The following LIPH variants were observed in gnomAD, a reference collection of about 807,000 sequenced individuals.
LIPH encodes lipase H.
Under a neutral mutation model 47.6 loss-of-function variants are expected in LIPH, and 32 were observed. The ratio of observed to expected loss-of-function variants is 0.67; its 90% CI spans 0.51 to 0.90. The LOEUF is 0.90. Ranked by LOEUF, LIPH falls within the 40% of genes least tolerant of loss-of-function variation. LIPH has a pLI of 0.00. For synonymous variants in LIPH, 190 were observed against 195.6 expected (o/e 0.97, Z 0.24); for missense variants, 497 against 541.4 (o/e 0.92, Z 0.81).
intron 7 of LIPH, among the ~76,000 whole-genome samples, chr3:185,515,634 A>AG (rs1474821134): frequency 2.0e-5 from 3 of 151,984 alleles, no homozygotes; most frequent in African/African-American, 7.3e-5. Flanking sequence ...TCAGCCTTCT[A>AG]GGTAGCTGGG....
chr3:185,540,242 G>A (rs1035853285), intron 1 of LIPH, among the ~76,000 whole-genome samples: 1 of 152,068 alleles, frequency 6.6e-6, no homozygotes, highest in Admixed American at 6.6e-5. Flanking sequence ...AACTGAATTC[G>A]GCAATGCTAT....
In LIPH at chr3:185,534,976, T is replaced by C; in HGVS notation, c.206A>G (p.Lys69Arg). 6 of 1,614,084 alleles carry C rather than the reference T, an allele frequency of 3.7e-6. No individual in the cohort carries two copies. Among genetic ancestry groups the C allele is most frequent in the Non-Finnish European group, 5.1e-6 (6 of 1,180,012 alleles). Residue 69 changes from lysine (K) to arginine (R), a missense_variant, in exon 2 of 10, where the codon AAG (lysine) becomes AGG (arginine). Physicochemically the swap from Lys to Arg is conservative, Grantham distance 26. Transcript: ENST00000296252. ...TCCATGGACAATGAAGGTGGTTTTC[T>C]TGGTCACATTCAAGTTCCCAAAAGC... The part of the protein sequence containing the change: ...SSAFGNLNVT[K>R]KTTFIVHGFR...
At chr3:185,522,297 T>C (rs1719916306) in intron 5 of LIPH, among the ~76,000 whole-genome samples, 2 of 152,194 alleles carry the variant, frequency 1.3e-5, no homozygotes, top group Admixed American at 6.5e-5. Flanking sequence ...GCAACCCTCA[T>C]TACTGAAGTG....
intron 1 of LIPH, among the ~76,000 whole-genome samples, chr3:185,540,335 G>A (rs185219437): frequency 2.0e-5 from 3 of 152,000 alleles, no homozygotes; most frequent in Non-Finnish European, 4.4e-5. Context: ...GTTTTATCAG[G>A]GGTTCTTTTG....
intron 2 of LIPH, 146 bp downstream of exon 2, chr3:185,534,619 C>A (rs1720442689): frequency 5.3e-6 from 4 of 754,474 alleles, no homozygotes; most frequent in Non-Finnish European, 8.8e-6. Context: ...CACAGCCCCT[C>A]ATCCCACCTT....
intron 1 of LIPH, among the ~76,000 whole-genome samples, chr3:185,547,915 C>T (rs937570558): frequency 1.3e-5 from 2 of 152,064 alleles, no homozygotes; most frequent in African/African-American, 4.8e-5. Flanking sequence ...ATTCTGCATG[C>T]TTGGCAATGG....
At chr3:185,526,189 C>T (rs192770234) in intron 4 of LIPH, among the ~76,000 whole-genome samples, 257 of 151,516 alleles carry the variant, frequency 1.7e-3, no homozygotes, top group African/African-American at 6.0e-3. Flanking sequence ...ATAGCGAGAC[C>T]CCCATCTCTA....
At chr3:185,513,896 T>C (rs1298944195) in intron 8 of LIPH, among the ~76,000 whole-genome samples, 1 of 152,046 alleles carries the variant, frequency 6.6e-6, no homozygotes, top group African/African-American at 2.4e-5. Context: ...AAAAATTATC[T>C]GGGCATGGTG....
At chr3:185,521,348 A>G (rs1319777685) in intron 5 of LIPH, among the ~76,000 whole-genome samples, 3 of 152,162 alleles carry the variant, frequency 2.0e-5, no homozygotes, top group Non-Finnish European at 4.4e-5. Flanking sequence ...TGGCAAATTA[A>G]TAGGTATTTG....
rs1452812505 is a variant in LIPH at position 185,552,445 on chromosome 3, A to C, written c.27T>G (p.Ser9Arg). 2.5e-6 allele frequency: 4 copies of C among 1,609,320 alleles called. No homozygotes were observed. The highest frequency in any genetic ancestry group is 3.4e-6 in the Non-Finnish European group (4 of 1,175,782). MLRFYLFI[S>R]LLCLSRSDAE... ...TACCTGATCTTGACAAGCACAACAAACTGATGAATAAGTAGAATCTCAACA... is the reference window on the plus strand; with the variant it reads ...TACCTGATCTTGACAAGCACAACAACCTGATGAATAAGTAGAATCTCAACA... The change falls in exon 1 of 10, where the codon AGT becomes AGG. Residue 9 changes from serine to arginine, a missense_variant. Coordinates refer to ENST00000296252, the MANE Select transcript of LIPH (RefSeq NM_139248.3).
At chr3:185,510,247 T>A (rs1355615283) in intron 9 of LIPH, among the ~76,000 whole-genome samples, 3 of 151,994 alleles carry the variant, frequency 2.0e-5, no homozygotes, top group Non-Finnish European at 4.4e-5. Flanking sequence ...CCGTGTTCAG[T>A]CCCTAAACTT....
intron 6 of LIPH, among the ~76,000 whole-genome samples, chr3:185,518,134 A>G (rs1016479026): frequency 1.3e-5 from 2 of 152,200 alleles, no homozygotes; most frequent in African/African-American, 2.4e-5. Context: ...GGAGCAGGCT[A>G]CGTAGAGTGA....
At chr3:185,511,818 A>AAT in intron 8 of LIPH, 121 bp from the exon 9 acceptor site, 19 of 605,640 alleles carry the variant, frequency 3.1e-5, no homozygotes, top group East Asian at 5.9e-5. Flanking sequence ...GCACCAGCTG[A>AAT]CTTTTTTTTT....
At chr3:185,534,127 G>A (rs1720426723) in intron 2 of LIPH, among the ~76,000 whole-genome samples, 1 of 152,186 alleles carries the variant, frequency 6.6e-6, no homozygotes, top group African/African-American at 2.4e-5. Context: ...GAAGGCCAAG[G>A]CAGGTGGATC....
chr3:185,517,978 C>T (rs1476778851), intron 6 of LIPH, among the ~76,000 whole-genome samples: 1 of 152,160 alleles, frequency 6.6e-6, no homozygotes, highest in Non-Finnish European at 1.5e-5. Flanking sequence ...TGTACGTGCA[C>T]ACAAGAGCCA....
At chr3:185,536,059 C>T (rs958904829) in intron 1 of LIPH, among the ~76,000 whole-genome samples, 1 of 152,174 alleles carries the variant, frequency 6.6e-6, no homozygotes, top group African/African-American at 2.4e-5. Context: ...ATCCTTTACC[C>T]TGGAACTCCC....
At position 185,541,278 on chromosome 3, in the gene LIPH, G is replaced by A. The variant is rs1295041344; in HGVS notation, c.50-6146C>T. 2.0e-5 allele frequency among the ~76,000 whole-genome samples: 3 copies of A among 152,016 alleles called. No individual in the cohort carries two copies. In the East Asian group the frequency reaches 5.8e-4, roughly 29 times the overall value. Reference sequence around the variant, plus strand: ...ATGAGAAAGTTAATAGACCTATATTGCCTCTCAAATGCTCCTTGATCCTTC... The same window carrying A: ...ATGAGAAAGTTAATAGACCTATATTACCTCTCAAATGCTCCTTGATCCTTC... On this transcript the variant is annotated intron_variant, in intron 1 of 9. Transcript: ENST00000296252.
In LIPH at chr3:185,514,396, G is replaced by A; in HGVS notation, c.1094+14C>T. 1 of 1,166,438 alleles carries A rather than the reference G, an allele frequency of 8.6e-7. No homozygotes were observed. The highest frequency in any genetic ancestry group is 1.2e-5 in the South Asian group (1 of 82,178). 72.3% of individuals were successfully genotyped at this position (1,166,438 alleles called of 1,614,324 possible). A position where few individuals can be genotyped will look rare whatever the true frequency, so the allele number is the denominator to read the frequency against. On this transcript the variant is annotated intron_variant, in intron 8 of 9. Coordinates refer to ENST00000296252, the MANE Select transcript of LIPH (RefSeq NM_139248.3). ...GGGAAATAGCGCACTGCAAACAATT[G>A]TAACTCAACTTACTGATTGATTTTG...
intron 3 of LIPH, among the ~76,000 whole-genome samples, chr3:185,531,953 C>T (rs1720343677): frequency 6.6e-6 from 1 of 152,136 alleles, no homozygotes; most frequent in African/African-American, 2.4e-5. Context: ...GATTCTTCTG[C>T]GTTGGCCTCC....
Sources: allele counts gnomAD v4.1 joint callset (sites outside exome capture counted in the v4.1 genomes callset), GRCh38; gene constraint gnomAD v4.1.1; transcripts MANE v1.5; gene names NCBI Gene and HGNC (gene_info 2026-07-23, HGNC 2026-07-21).